SGK1: variants seen among roughly 807,000 people sequenced by gnomAD.
SGK1 encodes the protein serum/glucocorticoid regulated kinase 1.
SGK1 carries 26 observed loss-of-function variants against 64.2 expected under a neutral mutation model. The observed-to-expected ratio is 0.40, with a 90% CI of 0.30 to 0.56. SGK1 has a LOEUF of 0.56. SGK1 is among the 20% of genes least tolerant of loss of function. The pLI, the probability that SGK1 is intolerant of heterozygous loss-of-function variation, is 0.38. For synonymous variants in SGK1, 265 were observed against 239.7 expected, an observed-to-expected ratio of 1.11 and a Z score of -0.98; for missense variants, 519 against 645.6, an observed-to-expected ratio of 0.80 and a Z score of 2.12.
In SGK1 at chr6:134,228,206, C is replaced by T. The variant is rs574863604; in HGVS notation, c.286-20775G>A. 2.6e-5 allele frequency among the ~76,000 whole-genome samples: 4 copies of T among 152,114 alleles called. 1 individual carries two copies. The highest frequency in any genetic ancestry group is 4.2e-4 in the South Asian group (2 of 4,816). Reference sequence around the variant, plus strand: ...CTGACCTCAGGTGATCCACCCGCCTCGGCCTCCCAAAGTGCTGGGATTACT... The same window carrying T: ...CTGACCTCAGGTGATCCACCCGCCTTGGCCTCCCAAAGTGCTGGGATTACT... On this transcript the variant is annotated intron_variant, in intron 2 of 13. Coordinates refer to ENST00000367858, the MANE Select transcript of SGK1 (RefSeq NM_001143676.3).
At chr6:134,302,082 G>A (rs1241718304) in intron 1 of SGK1, among the ~76,000 whole-genome samples, 1 of 152,218 alleles carries the variant, frequency 6.6e-6, no homozygotes, top group Admixed American at 6.5e-5. Flanking sequence ...CATTCAGAGT[G>A]TTGATGAGTT....
chr6:134,178,604 GCGAAGTGGTC>G (rs1775284761), intron 3 of SGK1, among the ~76,000 whole-genome samples: 1 of 152,206 alleles, frequency 6.6e-6, no homozygotes, highest in South Asian at 2.1e-4. Context: ...CTCCCTGGTG[GCGAAGTGGTC>G]CGAGTAGCCT....
intron 2 of SGK1, among the ~76,000 whole-genome samples, chr6:134,225,440 G>C (rs1462760145): frequency 6.6e-6 from 1 of 152,064 alleles, no homozygotes; most frequent in Admixed American, 6.6e-5. Flanking sequence ...TTGAGGGCAG[G>C]AGGGTACCAC....
intron 2 of SGK1, 42 bp from the exon 3 acceptor site, chr6:134,207,473 T>G (rs1363870997): frequency 1.5e-6 from 2 of 1,357,570 alleles, no homozygotes; most frequent in Non-Finnish European, 2.1e-6. Flanking sequence ...AAAAATGGCT[T>G]CATCATTTCA....
chr6:134,264,410 C>T (rs888260915), intron 1 of SGK1, among the ~76,000 whole-genome samples: 9 of 152,044 alleles, frequency 5.9e-5, no homozygotes, highest in African/African-American at 2.2e-4. Context: ...TGAGCCACTG[C>T]GCCTGGCCAT....
intron 3 of SGK1, among the ~76,000 whole-genome samples, chr6:134,204,472 GAAAA>G (rs71003675): frequency 1.7e-5 from 2 of 114,830 alleles, no homozygotes; most frequent in Non-Finnish European, 3.4e-5. Context: ...TCCATCTCAG[GAAAA>G]AAAAAAAAAA....
intron 4 of SGK1, 107 bp downstream of exon 4, chr6:134,174,404 C>A: frequency 1.4e-6 from 1 of 737,286 alleles, no homozygotes; most frequent in Non-Finnish European, 2.3e-6. Context: ...ATGAGATCCC[C>A]ACCCCAGAAG....
intron 3 of SGK1, among the ~76,000 whole-genome samples, chr6:134,192,696 A>T (rs753134349): frequency 6.0e-5 from 9 of 149,748 alleles, no homozygotes; most frequent in Admixed American, 1.3e-4. Flanking sequence ...CAGCCTCCCG[A>T]GTAGCTGGGA....
intron 1 of SGK1, among the ~76,000 whole-genome samples, chr6:134,299,512 C>G (rs530591252): frequency 1.3e-5 from 2 of 152,204 alleles, no homozygotes; most frequent in African/African-American, 4.8e-5. Flanking sequence ...CCTGAGAGAT[C>G]AGAGGTGGGG....
intron 3 of SGK1, among the ~76,000 whole-genome samples, chr6:134,197,848 TAAAA>T (rs1471654902): frequency 1.5e-5 from 2 of 132,572 alleles, no homozygotes; most frequent in African/African-American, 3.0e-5. Flanking sequence ...TAAAATAAAA[TAAAA>T]TAAAATTAAA....
intron 3 of SGK1, among the ~76,000 whole-genome samples, chr6:134,190,130 G>A (rs1179811469): frequency 2.6e-5 from 4 of 152,090 alleles, no homozygotes; most frequent in Non-Finnish European, 5.9e-5. Context: ...AATTACAGGC[G>A]TGAGCCACTG....
At chr6:134,185,634 G>C (rs13217998) in intron 3 of SGK1, among the ~76,000 whole-genome samples, 1 of 151,432 alleles carries the variant, frequency 6.6e-6, no homozygotes, top group Non-Finnish European at 1.5e-5. Flanking sequence ...TATCTAGAGG[G>C]AGACAGAGAA....
chr6:134,177,068 G>A (rs1399142829), intron 3 of SGK1, among the ~76,000 whole-genome samples: 2 of 152,176 alleles, frequency 1.3e-5, no homozygotes, highest in Non-Finnish European at 2.9e-5. Context: ...AGAAAAATTA[G>A]CCAGGCGTGG....
At chr6:134,315,593 A>G (rs911277118) in intron 1 of SGK1, among the ~76,000 whole-genome samples, 9 of 152,250 alleles carry the variant, frequency 5.9e-5, no homozygotes, top group Admixed American at 5.9e-4. Context: ...AAATTTATGT[A>G]ACTTAAATCT....
intron 3 of SGK1, among the ~76,000 whole-genome samples, chr6:134,197,095 T>C (rs1775605509): frequency 6.6e-6 from 1 of 152,030 alleles, no homozygotes; most frequent in African/African-American, 2.4e-5. Flanking sequence ...TAGCTGGGCG[T>C]GGTAGCTTAT....
chr6:134,232,355 A>C (rs772129263), intron 2 of SGK1, among the ~76,000 whole-genome samples: 16 of 151,058 alleles, frequency 1.1e-4, no homozygotes, highest in Admixed American at 2.7e-4. Flanking sequence ...ACTGTACTCT[A>C]GCCTGGGCGA....
At chr6:134,201,366 C>A (rs1325825590) in intron 3 of SGK1, among the ~76,000 whole-genome samples, 1 of 147,796 alleles carries the variant, frequency 6.8e-6, no homozygotes, top group Non-Finnish European at 1.5e-5. Flanking sequence ...AGCCTTATTT[C>A]TTTTTCTTTT....
chr6:134,243,277 T>G (rs1001926450), intron 2 of SGK1, among the ~76,000 whole-genome samples: 6 of 152,156 alleles, frequency 3.9e-5, no homozygotes, highest in Non-Finnish European at 7.4e-5. Flanking sequence ...ACATAAATGG[T>G]GAAAGTATAA....
chr6:134,258,653 C>T (rs867735596), intron 2 of SGK1, among the ~76,000 whole-genome samples: 1 of 152,018 alleles, frequency 6.6e-6, no homozygotes, highest in African/African-American at 2.4e-5. Context: ...TCTAGTAAGC[C>T]GAGATCGCGC....
Sources: gnomAD v4.1 joint callset for allele counts (sites outside exome capture counted in the v4.1 genomes callset) on GRCh38, gnomAD v4.1.1 for gene constraint, MANE v1.5 for transcripts, NCBI Gene and HGNC (gene_info 2026-07-23, HGNC 2026-07-21) for gene names.